Variants in PDGFA observed in about 807,000 individuals in gnomAD.
PDGFA encodes the protein platelet-derived growth factor subunit A.
Under a neutral mutation model 25.6 loss-of-function variants are expected in PDGFA, and 9 were observed. That is an observed-to-expected ratio of 0.35 (90% CI 0.21 to 0.61). The LOEUF is 0.61. Ranked by LOEUF, PDGFA falls within the 20% of genes least tolerant of loss-of-function variation. The pLI, the probability that PDGFA is intolerant of heterozygous loss-of-function variation, is 0.75. For missense variants in PDGFA, 242 were observed against 272.8 expected (o/e 0.89, Z 0.79); for synonymous variants, 133 against 111.8 (o/e 1.19, Z -1.20).
chr7:510,185 C>T (rs911089854), intron 4 of PDGFA, among the ~76,000 whole-genome samples: 18 of 152,292 alleles, frequency 1.2e-4, no homozygotes, highest in Admixed American at 8.5e-4. Context: ...TGGTCTAGGG[C>T]GTGGAAAGGA....
At chr7:498,240 C>T (rs1044751198) in exon 6 of PDGFA, 2 of 382,536 alleles carry the variant, frequency 5.2e-6, no homozygotes, top group Non-Finnish European at 9.6e-6. Context: ...TCCCACGGGG[C>T]GACCCTCCAT....
intron 4 of PDGFA, among the ~76,000 whole-genome samples, chr7:502,530 C>T (rs1489270083): frequency 1.3e-5 from 2 of 152,196 alleles, no homozygotes; most frequent in Non-Finnish European, 2.9e-5. Context: ...CACAGGCCAG[C>T]AGGCCGTGGC....
At chr7:504,891 G>A (rs939629364) in intron 4 of PDGFA, among the ~76,000 whole-genome samples, 1 of 152,178 alleles carries the variant, frequency 6.6e-6, no homozygotes, top group South Asian at 2.1e-4. Flanking sequence ...CGGCCACCGC[G>A]GGCGCGTGGG....
At chr7:511,728 G>A (rs1272188117) in intron 3 of PDGFA, among the ~76,000 whole-genome samples, 1 of 152,118 alleles carries the variant, frequency 6.6e-6, no homozygotes, top group Non-Finnish European at 1.5e-5. Flanking sequence ...GACTTGGGTA[G>A]AAAGCAGGGA....
intron 2 of PDGFA, among the ~76,000 whole-genome samples, chr7:516,706 T>A (rs762045005): frequency 6.6e-6 from 1 of 152,100 alleles, no homozygotes; most frequent in Non-Finnish European, 1.5e-5. Context: ...GAGGCCCCTT[T>A]AACCCTTGCC....
At chr7:501,132 A>G in exon 5 of PDGFA, 1 of 1,614,152 alleles carries the variant, frequency 6.2e-7, no homozygotes, top group Non-Finnish European at 8.5e-7. Flanking sequence ...CCTCTTCCCG[A>G]TAATCCGGAT....
intron 4 of PDGFA, among the ~76,000 whole-genome samples, chr7:508,784 A>G (rs987907709): frequency 1.3e-5 from 2 of 152,118 alleles, no homozygotes; most frequent in African/African-American, 2.4e-5. Flanking sequence ...CCCAGATGGG[A>G]GCCCCAGGGA....
Position 517,291 on chromosome 7 carries a change from T to C in PDGFA, c.160+103A>G. The C allele has an allele frequency of 2.7e-6, 1 of 365,696 alleles. No individual in the cohort carries two copies. 22.7% of individuals were successfully genotyped at this position (365,696 alleles called of 1,614,324 possible). A position where few individuals can be genotyped will look rare whatever the true frequency, so the allele number is the denominator to read the frequency against. ...TATGGCTGGGGATTGGATTCTGACC[T>C]TTCGGTGCGCTCCTGCGCGGCGCCC... On this transcript the variant is annotated intron_variant, in intron 2 of 5. Coordinates refer to ENST00000402802, the Ensembl canonical transcript of PDGFA. The surrounding 1 kb of genome is among the most constrained non-coding windows in gnomAD (Gnocchi z 7.4).
chr7:503,807 G>C (rs1782451618), intron 4 of PDGFA, among the ~76,000 whole-genome samples: 1 of 152,228 alleles, frequency 6.6e-6, no homozygotes, highest in Non-Finnish European at 1.5e-5. Context: ...AACAGTTGCA[G>C]GGCGTGGGGC....
chr7:501,792 G>T (rs1427729784), intron 4 of PDGFA, among the ~76,000 whole-genome samples: 5 of 152,154 alleles, frequency 3.3e-5, no homozygotes, highest in African/African-American at 1.2e-4. Context: ...ACGTGTGCCT[G>T]GGGGGGCTGA....
Position 500,707 on chromosome 7 carries a change from G to A in PDGFA, c.580+409C>T, listed in dbSNP as rs563069714. The A allele has an allele frequency of 6.5e-4, 935 of 1,441,146 alleles. 2 individuals carry two copies. The highest frequency in any genetic ancestry group is 7.4e-4 in the Non-Finnish European group (817 of 1,102,952). 89.3% of individuals were successfully genotyped at this position (1,441,146 alleles called of 1,614,324 possible). A position where few individuals can be genotyped will look rare whatever the true frequency, so the allele number is the denominator to read the frequency against. ...CATTCTGCTCCTGGGTGGAGTCCGC[G>A]TGGCGGGGTGAAGGAGAGACCCCAG... On this transcript the variant is annotated intron_variant, in intron 5 of 5. Transcript: ENST00000402802. The surrounding 1 kb of genome is among the most constrained non-coding windows in gnomAD (Gnocchi z 5.0).
Position 517,478 on chromosome 7 carries a change from G to T in PDGFA, c.76C>A (p.Pro26Thr). The change falls in exon 2 of 6, where the codon CCC becomes ACC. Residue 26 changes from proline (P) to threonine (T), a missense_variant. By Grantham distance (38) the Pro-to-Thr change is conservative. Around this residue, in one of 5 missense-constraint regions of PDGFA, gnomAD observed 113 missense variants for 98.3 expected, o/e 1.15. Coordinates refer to ENST00000402802, the Ensembl canonical transcript of PDGFA. This position sits in a 1 kb window ranked among gnomAD's most constrained non-coding sequence, Gnocchi z 7.4. ...GCCAGCCTCTCGATCACCTCGCGGGGGATCTCGGCTTCCTGCAAGCAGAGG... is the reference window on the plus strand; with the variant it reads ...GCCAGCCTCTCGATCACCTCGCGGGTGATCTCGGCTTCCTGCAAGCAGAGG... 7.5e-7 allele frequency: 1 copy of T among 1,335,758 alleles called. No homozygotes were observed. The highest frequency in any genetic ancestry group is 2.4e-4 in the Middle Eastern group (1 of 4,102). The allele number at this position is 1,335,758 out of a possible 1,614,324, so 82.7% of individuals were successfully genotyped here.
At position 500,659 on chromosome 7, in the gene PDGFA, C is replaced by T. The variant is rs1366588086; in HGVS notation, c.580+457G>A. Reference sequence around the variant, plus strand: ...TGAGTCCCCTCATGCTCCCAGGGCCCAGCCATAGCAGGGCACAGAAGCCAT... The same window carrying T: ...TGAGTCCCCTCATGCTCCCAGGGCCTAGCCATAGCAGGGCACAGAAGCCAT... On this transcript the variant is annotated intron_variant, in intron 5 of 5. Coordinates refer to ENST00000402802, the Ensembl canonical transcript of PDGFA. The surrounding 1 kb of genome is among the most constrained non-coding windows in gnomAD (Gnocchi z 5.0). 9 of 1,463,802 alleles carry T rather than the reference C, an allele frequency of 6.1e-6. No individual in the cohort carries two copies. Among genetic ancestry groups the T allele is most frequent in the Non-Finnish European group, 8.1e-6 (9 of 1,114,166 alleles). The allele number at this position is 1,463,802 out of a possible 1,614,324, so 90.7% of individuals were successfully genotyped here.
At position 508,559 on chromosome 7, in the gene PDGFA, C is replaced by CAAA. The variant is rs766165770; in HGVS notation, c.453+2247_453+2249dup. Among the ~76,000 whole-genome samples the CAAA allele has an allele frequency of 4.5e-3, 159 of 35,662 alleles. 20 individuals carry two copies. Among genetic ancestry groups the CAAA allele is most frequent in the East Asian group, 0.014 (16 of 1,168 alleles). 23.4% of individuals were successfully genotyped at this position (35,662 alleles called of 152,430 possible). On this transcript the variant is annotated intron_variant, in intron 4 of 5. Transcript: ENST00000402802. Reference sequence around the variant, plus strand: ...TGGGCAACAGAGCAAGAAGCTGTCCCAAAAAAAAAAAAAAAAAAAAAAAAA... The same window carrying CAAA: ...TGGGCAACAGAGCAAGAAGCTGTCCCAAAAAAAAAAAAAAAAAAAAAAAAAAAA...
At chr7:514,544 TCACCC>T (rs1783001599) in intron 2 of PDGFA, among the ~76,000 whole-genome samples, 2 of 151,954 alleles carry the variant, frequency 1.3e-5, no homozygotes, top group Non-Finnish European at 2.9e-5. Flanking sequence ...CCGGCAAGAA[TCACCC>T]CTAAAACTGC....
intron 4 of PDGFA, among the ~76,000 whole-genome samples, chr7:504,380 C>G (rs1782473928): frequency 6.6e-6 from 1 of 152,060 alleles, no homozygotes; most frequent in South Asian, 2.1e-4. Flanking sequence ...CCCAGCCCTG[C>G]AAGCATGTCC....
In PDGFA at chr7:500,472, C is replaced by T. The variant is rs764678297; in HGVS notation, c.580+644G>A. On this transcript the variant is annotated intron_variant, in intron 5 of 5. Coordinates refer to ENST00000402802, the Ensembl canonical transcript of PDGFA. This position sits in a 1 kb window ranked among gnomAD's most constrained non-coding sequence, Gnocchi z 5.0. ...GGTGGGTTTTAACCTTTTTCTTTTCCGTTTTTTACCTGACTCCCTAGGCCT... is the reference window on the plus strand; with the variant it reads ...GGTGGGTTTTAACCTTTTTCTTTTCTGTTTTTTACCTGACTCCCTAGGCCT... 4 of 1,614,060 alleles carry T rather than the reference C, an allele frequency of 2.5e-6. No homozygotes were observed. Among genetic ancestry groups the T allele is most frequent in the Non-Finnish European group, 3.4e-6 (4 of 1,180,028 alleles).
chr7:517,542 C>A lies in PDGFA; in HGVS notation c.64-52G>T. On this transcript the variant is annotated intron_variant, in intron 1 of 5. Transcript: ENST00000402802. The surrounding 1 kb of genome is among the most constrained non-coding windows in gnomAD (Gnocchi z 7.4). ...GCCCGCGGCCCCGACCCCGCCGGCA[C>A]GCGCCCCCGGCCGCCAGGAGCGCCG... 1.2e-6 allele frequency: 1 copy of A among 867,424 alleles called. No homozygotes were observed. The highest frequency in any genetic ancestry group is 1.5e-6 in the Non-Finnish European group (1 of 686,950). 53.7% of individuals were successfully genotyped at this position (867,424 alleles called of 1,614,324 possible). A position where few individuals can be genotyped will look rare whatever the true frequency, so the allele number is the denominator to read the frequency against.
chr7:501,041 G>A lies in PDGFA; in HGVS notation c.580+75C>T, dbSNP rs777051058. The A allele has an allele frequency of 3.1e-6, 5 of 1,612,610 alleles. No individual in the cohort carries two copies. In the Admixed American group the frequency reaches 8.3e-5, roughly 27 times the overall value. On this transcript the variant is annotated intron_variant, in intron 5 of 5. Transcript: ENST00000402802. ...AGCAGTAAGCGTTGCGCTCAAGGGG[G>A]CCACCTAACACCCCAAAAGCAAGGC...
Sources: gnomAD v4.1 joint callset for allele counts (sites outside exome capture counted in the v4.1 genomes callset) on GRCh38, gnomAD v4.1.1 for gene constraint, gnomAD v4.1.1 regional missense constraint, Gnocchi (gnomAD v3.1) non-coding constraint, MANE v1.5 for transcripts, NCBI Gene and HGNC (gene_info 2026-07-23, HGNC 2026-07-21) for gene names.